ZNF253: variants seen among roughly 807,000 people sequenced by gnomAD.
ZNF253 encodes zinc finger protein 253.
A neutral mutation model predicts 11.9 loss-of-function variants in ZNF253; 8 were observed. That is an observed-to-expected ratio of 0.67 (90% CI 0.40 to 1.22). The LOEUF (loss-of-function observed/expected upper bound fraction) is 1.22, where lower values mean the gene tolerates loss of function less well. ZNF253 is among the 50% of genes most tolerant of loss of function. The probability of loss-of-function intolerance (pLI) is 0.01; values close to 1 mark genes in which losing one functional copy is unlikely to be tolerated. For synonymous variants in ZNF253, 194 were observed against 194.9 expected (o/e 1.00, Z 0.04); for missense variants, 485 against 586.9 (o/e 0.83, Z 1.79).
At chr19:19,884,029 C>G (rs1409727246) in intron 3 of ZNF253, among the ~76,000 whole-genome samples, 2 of 149,728 alleles carry the variant, frequency 1.3e-5, no homozygotes, top group African/African-American at 5.0e-5. Flanking sequence ...TGCACTCCAG[C>G]CTGGTCAACA....
chr19:19,865,963 A>C lies in ZNF253; in HGVS notation c.-34A>C. On this transcript the variant is annotated 5_prime_UTR_variant, in exon 1 of 4. Coordinates refer to ENST00000589717, the MANE Select transcript of ZNF253 (RefSeq NM_021047.3). ...GTGACCTGCAAGTATTGGGAGAGCC[A>C]CAGCTAAACCCCGGGACCCCTGGAA... 6.2e-7 allele frequency: 1 copy of C among 1,614,164 alleles called. No homozygotes were observed. Among genetic ancestry groups the C allele is most frequent in the Non-Finnish European group, 8.5e-7 (1 of 1,180,024 alleles).
At chr19:19,887,769 ATTTTTTT>A (rs3062903) in intron 3 of ZNF253, among the ~76,000 whole-genome samples, 11 of 124,378 alleles carry the variant, frequency 8.8e-5, no homozygotes, top group African/African-American at 3.0e-4. Context: ...TTGATTTTTA[ATTTTTTT>A]TTTTTTTTTT....
intron 3 of ZNF253, among the ~76,000 whole-genome samples, chr19:19,885,270 T>G (rs1163304080): frequency 3.0e-5 from 2 of 66,156 alleles, no homozygotes; most frequent in African/African-American, 2.0e-4. Context: ...TTTCTTTCTT[T>G]CTTTCTTTCT....
intron 2 of ZNF253, among the ~76,000 whole-genome samples, chr19:19,879,649 G>A (rs543925899): frequency 6.6e-6 from 1 of 152,076 alleles, no homozygotes; most frequent in Non-Finnish European, 1.5e-5. Flanking sequence ...CACAAATAAC[G>A]CCCAATAAAA....
chr19:19,865,882 G>T lies in ZNF253; in HGVS notation c.-115G>T. On this transcript the variant is annotated 5_prime_UTR_variant, in exon 1 of 4. Transcript: ENST00000589717. ...TTTCTCGCTGCAGCGGGAGCTCCAGGTTTATCCTCAGTGTTCTGTGTCCTG... is the reference window on the plus strand; with the variant it reads ...TTTCTCGCTGCAGCGGGAGCTCCAGTTTTATCCTCAGTGTTCTGTGTCCTG... The T allele has an allele frequency of 7.3e-7, 1 of 1,368,234 alleles. No homozygotes were observed. Among genetic ancestry groups the T allele is most frequent in the Non-Finnish European group, 1.0e-6 (1 of 955,864 alleles). 84.8% of individuals were successfully genotyped at this position (1,368,234 alleles called of 1,614,324 possible).
chr19:19,882,996 G>T (rs904614765), intron 3 of ZNF253, among the ~76,000 whole-genome samples: 1 of 151,678 alleles, frequency 6.6e-6, no homozygotes, highest in South Asian at 2.1e-4. Flanking sequence ...GATAAATTAT[G>T]CATGTTTATT....
intron 1 of ZNF253, among the ~76,000 whole-genome samples, 187 bp from the exon 2 acceptor site, chr19:19,878,294 G>A (rs1175806692): frequency 2.7e-5 from 4 of 149,520 alleles, no homozygotes; most frequent in East Asian, 2.1e-4. Flanking sequence ...ATCTTGTGCC[G>A]CTCTTTTTTC....
chr19:19,873,953 G>C (rs2063144639), intron 1 of ZNF253, among the ~76,000 whole-genome samples: 1 of 151,606 alleles, frequency 6.6e-6, no homozygotes, highest in African/African-American at 2.4e-5. Flanking sequence ...CTGTCGCCCA[G>C]GATGGAGTGC....
intron 1 of ZNF253, 98 bp from the exon 2 acceptor site, chr19:19,878,383 T>G: frequency 6.3e-7 from 1 of 1,596,700 alleles, no homozygotes; most frequent in Non-Finnish European, 8.5e-7. Context: ...GTCCTTTGAG[T>G]CAGAACCAGT....
At chr19:19,873,513 A>C (rs2063143095) in intron 1 of ZNF253, among the ~76,000 whole-genome samples, 1 of 152,112 alleles carries the variant, frequency 6.6e-6, no homozygotes, top group Non-Finnish European at 1.5e-5. Flanking sequence ...AAGTGTGGTT[A>C]ATTCTGCTTC....
intron 3 of ZNF253, among the ~76,000 whole-genome samples, chr19:19,888,164 A>G (rs562013007): frequency 1.3e-5 from 2 of 152,030 alleles, no homozygotes; most frequent in South Asian, 4.2e-4. Flanking sequence ...CTAAGGTTCA[A>G]GTAATTCTCC....
chr19:19,874,839 G>A (rs1412236410), intron 1 of ZNF253, among the ~76,000 whole-genome samples: 2 of 152,004 alleles, frequency 1.3e-5, no homozygotes, highest in Non-Finnish European at 2.9e-5. Context: ...GTGAACCCGG[G>A]AGGCGGAGTT....
intron 1 of ZNF253, 145 bp from the exon 2 acceptor site, chr19:19,878,336 T>G: frequency 7.2e-7 from 1 of 1,384,028 alleles, no homozygotes; most frequent in Non-Finnish European, 9.8e-7. Flanking sequence ...GAGAATATTT[T>G]TGGGTTGAAA....
intron 3 of ZNF253, among the ~76,000 whole-genome samples, chr19:19,881,203 G>T (rs2063176451): frequency 6.6e-6 from 1 of 150,976 alleles, no homozygotes; most frequent in South Asian, 2.1e-4. Context: ...ATTTTTTATT[G>T]TAAAGGTTTT....
Position 19,892,569 on chromosome 19 carries a change from C to A in ZNF253, c.1322C>A (p.Thr441Lys). ...TTTACTGCATCCTCAACTCTAACTA[C>A]ACATAAGAGAATTCATACTGGAGAG... The part of the protein sequence containing the change: ...KSFTASSTLT[T>K]HKRIHTGEKP... The change falls in exon 4 of 4, where the codon ACA becomes AAA. Residue 441 changes from threonine (T) to lysine (K), a missense_variant. By Grantham distance (78) the Thr-to-Lys change is moderately conservative (BLOSUM62 -1). Around this residue, in one of 3 missense-constraint regions of ZNF253, gnomAD observed 232 missense variants for 321.4 expected, o/e 0.72. Coordinates refer to ENST00000589717, the MANE Select transcript of ZNF253 (RefSeq NM_021047.3). 6.2e-7 allele frequency: 1 copy of A among 1,613,194 alleles called. No individual in the cohort carries two copies. Among genetic ancestry groups the A allele is most frequent in the Non-Finnish European group, 8.5e-7 (1 of 1,179,732 alleles).
Position 19,865,941 on chromosome 19 carries a change from A to G in ZNF253, c.-56A>G. The G allele has an allele frequency of 1.2e-6, 2 of 1,612,892 alleles. No individual in the cohort carries two copies. The highest frequency in any genetic ancestry group is 8.5e-7 in the Non-Finnish European group (1 of 1,179,006). ...GAGGCCCGTCCTCTGTGGCCGTGTG[A>G]CCTGCAAGTATTGGGAGAGCCACAG... On this transcript the variant is annotated 5_prime_UTR_variant, in exon 1 of 4. Transcript: ENST00000589717.
chr19:19,875,110 A>T (rs2063149837), intron 1 of ZNF253, among the ~76,000 whole-genome samples: 1 of 152,128 alleles, frequency 6.6e-6, no homozygotes, highest in African/African-American at 2.4e-5. Context: ...GTCTTGCCTC[A>T]CAGAACTGAT....
intron 3 of ZNF253, among the ~76,000 whole-genome samples, chr19:19,891,109 T>C (rs1599559766): frequency 6.6e-6 from 1 of 151,978 alleles, no homozygotes; most frequent in South Asian, 2.1e-4. Flanking sequence ...CAAAGTGCTG[T>C]GATTACAGGC....
rs1310423694 is a variant in ZNF253 at position 19,893,479 on chromosome 19, C to G, written c.*732C>G. On this transcript the variant is annotated 3_prime_UTR_variant, in exon 4 of 4. Transcript: ENST00000589717. Reference sequence around the variant, plus strand: ...TAGAAATGTATAAAATGTGACAAAGCCTTTATATGATTGTCATACATGATT... The same window carrying G: ...TAGAAATGTATAAAATGTGACAAAGGCTTTATATGATTGTCATACATGATT... 6.6e-6 allele frequency: 1 copy of G among 152,076 alleles called. No homozygotes were observed. Among genetic ancestry groups the G allele is most frequent in the African/African-American group, 2.4e-5 (1 of 41,400 alleles). 9.4% of individuals were successfully genotyped at this position (152,076 alleles called of 1,614,324 possible). A position where few individuals can be genotyped will look rare whatever the true frequency, so the allele number is the denominator to read the frequency against.
Sources: allele counts gnomAD v4.1 joint callset (sites outside exome capture counted in the v4.1 genomes callset), GRCh38; gene constraint gnomAD v4.1.1; regional missense constraint gnomAD v4.1.1; transcripts MANE v1.5; gene names NCBI Gene and HGNC (gene_info 2026-07-23, HGNC 2026-07-21).